The following AGTPBP1 variants were observed in gnomAD, a reference collection of about 807,000 sequenced individuals.
AGTPBP1 encodes ATP/GTP binding carboxypeptidase 1.
In AGTPBP1, 70 loss-of-function variants were observed where a neutral mutation model predicts 143.9. That is an observed-to-expected ratio of 0.49 (90% CI 0.40 to 0.59). The LOEUF (loss-of-function observed/expected upper bound fraction) is 0.59. Among genes scored for constraint, AGTPBP1 ranks in the 20% least tolerant of loss-of-function variants. AGTPBP1 has a pLI of 0.00. For synonymous variants in AGTPBP1, 463 were observed against 500.2 expected (o/e 0.93, Z 0.99); for missense variants, 1,229 against 1,464.5 (o/e 0.84, Z 2.62).
intron 1 of AGTPBP1, among the ~76,000 whole-genome samples, chr9:85,713,535 AAAACAAACAAAC>A (rs541873512): frequency 6.6e-6 from 1 of 152,214 alleles, no homozygotes; most frequent in African/African-American, 2.4e-5. Flanking sequence ...CCATCTCAAA[AAAACAAACAAAC>A]AAACAAACAA....
Position 85,657,527 on chromosome 9 carries a change from A to G in AGTPBP1, c.817T>C (p.Leu273=), listed in dbSNP as rs769628205. 7 of 1,613,852 alleles carry G rather than the reference A, an allele frequency of 4.3e-6. No homozygotes were observed. The East Asian group carries it at 1.6e-4, about 36-fold the overall frequency. The change falls in exon 10 of 26, where the codon TTA becomes CTA. Residue 273 remains leucine, a synonymous_variant. Transcript: ENST00000357081. ...HRNMLIRKGI[L]QSLKSVTNIK... ...TTTGTAACACTTTTTAAACTCTGTA[A>G]AATTCCTTTCCGAATGAGCATGTTT...
At chr9:85,655,597 T>C (rs1587837531) in intron 10 of AGTPBP1, among the ~76,000 whole-genome samples, 2 of 151,954 alleles carry the variant, frequency 1.3e-5, no homozygotes, top group African/African-American at 4.8e-5. Flanking sequence ...GGGGGGACAC[T>C]TGGCAAGCCT....
chr9:85,769,898 T>G, the AGTPBP1 span, among the ~76,000 whole-genome samples: 1 of 152,222 alleles, frequency 6.6e-6, no homozygotes, highest in African/African-American at 2.4e-5. Context: ...ATGACAATAC[T>G]GCTAATCCTG....
chr9:85,669,444 C>A lies in AGTPBP1; in HGVS notation c.662+41G>T, dbSNP rs77866601. 4.4e-3 allele frequency: 5,881 copies of A among 1,335,508 alleles called. 223 individuals are homozygous for A. The African/African-American group carries it at 0.072, about 16-fold the overall frequency. The allele number at this position is 1,335,508 out of a possible 1,614,324, so 82.7% of individuals were successfully genotyped here. ...ATCAAGATAATGAGGCCCAGAGTAA[C>A]AAAGGCTATACCTATGTTTACATTC... On this transcript the variant is annotated intron_variant, in intron 8 of 25. Coordinates refer to ENST00000357081, the MANE Select transcript of AGTPBP1 (RefSeq NM_001330701.2).
At chr9:85,623,607 A>ATTAGC (rs962726636) in intron 14 of AGTPBP1, among the ~76,000 whole-genome samples, 1 of 152,028 alleles carries the variant, frequency 6.6e-6, no homozygotes, top group Admixed American at 6.6e-5. Context: ...AAATACAAAA[A>ATTAGC]TTAGCTGGGT....
intron 11 of AGTPBP1, among the ~76,000 whole-genome samples, chr9:85,652,371 G>A (rs147205382): frequency 0.017 from 2,540 of 152,164 alleles, 25 homozygotes; most frequent in Middle Eastern, 0.054. Flanking sequence ...AATTAGCTGG[G>A]CGTGGTGGTG....
chr9:85,677,991 C>T (rs542518948), intron 5 of AGTPBP1, among the ~76,000 whole-genome samples: 39 of 152,200 alleles, frequency 2.6e-4, no homozygotes, highest in African/African-American at 8.9e-4. Context: ...GTGACAAGAG[C>T]AAAACTCCAT....
At chr9:85,716,496 T>A (rs1448808660) in intron 1 of AGTPBP1, among the ~76,000 whole-genome samples, 2 of 152,222 alleles carry the variant, frequency 1.3e-5, no homozygotes, top group African/African-American at 2.4e-5. Flanking sequence ...CTACTCTGGC[T>A]TTCCCATCTA....
chr9:85,633,413 A>G, intron 13 of AGTPBP1, 39 bp from the exon 14 acceptor site: 1 of 1,386,108 alleles, frequency 7.2e-7, no homozygotes, highest in Non-Finnish European at 9.7e-7. Context: ...TTAACTGTAA[A>G]TATTAAAACA....
At chr9:85,736,637 G>T (rs958373519) in intron 1 of AGTPBP1, among the ~76,000 whole-genome samples, 1 of 152,122 alleles carries the variant, frequency 6.6e-6, no homozygotes, top group South Asian at 2.1e-4. Flanking sequence ...TTGTGAGAAA[G>T]CCTCTTTAAG....
chr9:85,742,077 G>A (rs1420160904), upstream of AGTPBP1: 3 of 1,098,650 alleles, frequency 2.7e-6, no homozygotes, highest in African/African-American at 1.7e-5. Flanking sequence ...GGGGCGGAGC[G>A]CACGCCCTCT....
At chr9:85,772,979 G>A in the AGTPBP1 span, among the ~76,000 whole-genome samples, 1 of 151,974 alleles carries the variant, frequency 6.6e-6, no homozygotes, top group African/African-American at 2.4e-5. Context: ...AAAAATGAAA[G>A]TGTCGGCTGG....
At chr9:85,568,672 G>A (rs1827264405) in intron 25 of AGTPBP1, among the ~76,000 whole-genome samples, 1 of 152,182 alleles carries the variant, frequency 6.6e-6, no homozygotes, top group Non-Finnish European at 1.5e-5. Flanking sequence ...AGTTGTTCAG[G>A]CAAAGGGTAA....
rs1835649790 is a variant in AGTPBP1 at position 85,688,651 on chromosome 9, GAT to G, written c.157+4036_157+4037del. Among the ~76,000 whole-genome samples the G allele has an allele frequency of 5.9e-5, 9 of 152,248 alleles. No homozygotes were observed. In the South Asian group the frequency reaches 1.9e-3, roughly 32 times the overall value. ...CAAATTAACCATTTGCATGAAAGTG[GAT>G]AATAGAAATGTTTCTAGGAAAAAAA... On this transcript the variant is annotated intron_variant, in intron 3 of 25. Coordinates refer to ENST00000357081, the MANE Select transcript of AGTPBP1 (RefSeq NM_001330701.2).
At chr9:85,689,527 G>A (rs964418407) in intron 3 of AGTPBP1, among the ~76,000 whole-genome samples, 2 of 152,052 alleles carry the variant, frequency 1.3e-5, no homozygotes, top group African/African-American at 4.8e-5. Context: ...GTTGTTTCTT[G>A]AACTTTGACA....
At chr9:85,701,323 T>G (rs1836642488) in intron 2 of AGTPBP1, among the ~76,000 whole-genome samples, 1 of 150,966 alleles carries the variant, frequency 6.6e-6, no homozygotes, top group African/African-American at 2.4e-5. Context: ...TCTGCTTCCC[T>G]GGTTCAAGCG....
chr9:85,684,442 CCAACA>C (rs1835369559), intron 3 of AGTPBP1, among the ~76,000 whole-genome samples: 1 of 152,062 alleles, frequency 6.6e-6, no homozygotes, highest in South Asian at 2.1e-4. Context: ...TCAACCTCTA[CCAACA>C]TATCAGTTGT....
At chr9:85,692,547 TAC>T (rs1835948913) in intron 3 of AGTPBP1, 140 bp downstream of exon 3, 2 of 968,868 alleles carry the variant, frequency 2.1e-6, no homozygotes, top group Non-Finnish European at 2.9e-6. Flanking sequence ...GTGCTGGGAT[TAC>T]AGGTGTGAGC....
chr9:85,725,506 G>A (rs1009124668), intron 1 of AGTPBP1, among the ~76,000 whole-genome samples: 1 of 151,962 alleles, frequency 6.6e-6, no homozygotes, highest in Non-Finnish European at 1.5e-5. Flanking sequence ...ATGAACATCA[G>A]CCTCTCCCTC....
Sources: gnomAD v4.1 joint callset for allele counts (sites outside exome capture counted in the v4.1 genomes callset) on GRCh38, gnomAD v4.1.1 for gene constraint, MANE v1.5 for transcripts, NCBI Gene and HGNC (gene_info 2026-07-23, HGNC 2026-07-21) for gene names.